Variants in FBXL7 observed in about 807,000 individuals in gnomAD.
FBXL7 encodes F-box/LRR-repeat protein 7.
FBXL7 carries 12 observed loss-of-function variants against 38.3 expected under a neutral mutation model. That is an observed-to-expected ratio of 0.31 (90% CI 0.20 to 0.51). FBXL7 has a LOEUF of 0.51. FBXL7 is among the 20% of genes least tolerant of loss of function. The pLI, the probability that FBXL7 is intolerant of heterozygous loss-of-function variation, is 0.98. For synonymous variants in FBXL7, 297 were observed against 300.9 expected (o/e 0.99, Z 0.13); for missense variants, 567 against 676.4 (o/e 0.84, Z 1.79).
chr5:15,582,907 G>A (rs1326989368), intron 1 of FBXL7, among the ~76,000 whole-genome samples: 2 of 150,066 alleles, frequency 1.3e-5, no homozygotes, highest in South Asian at 2.1e-4. Context: ...GAATATTGGT[G>A]ACTCACCTAA....
chr5:15,700,325 A>C (rs1446349968), intron 2 of FBXL7, among the ~76,000 whole-genome samples: 1 of 152,224 alleles, frequency 6.6e-6, no homozygotes, highest in Non-Finnish European at 1.5e-5. Context: ...ATACAGATAG[A>C]CTGAAGCCAA....
rs201081986 is a variant in FBXL7 at position 15,599,708 on chromosome 5, G to A, written c.38-16275G>A. The stretch of plus-strand genomic sequence containing the variant: ...ACTCAGGGCTCCCCCAGTTATTAAG[G>A]GAGTCAGTGTGAAATTGAGCTGTAG... On this transcript the variant is annotated intron_variant, in intron 1 of 3. Transcript: ENST00000504595. Among the ~76,000 whole-genome samples, 5 of 152,152 alleles carry A rather than the reference G, an allele frequency of 3.3e-5. No individual in the cohort carries two copies. The East Asian group carries it at 9.6e-4, about 29-fold the overall frequency.
At chr5:15,551,200 G>A (rs889347111) in intron 1 of FBXL7, among the ~76,000 whole-genome samples, 2 of 152,104 alleles carry the variant, frequency 1.3e-5, no homozygotes, top group Non-Finnish European at 2.9e-5. Context: ...GGCCCCTGTT[G>A]GTTTGTGCCC....
At chr5:15,600,448 C>T (rs1739757222) in intron 1 of FBXL7, among the ~76,000 whole-genome samples, 1 of 152,182 alleles carries the variant, frequency 6.6e-6, no homozygotes, top group East Asian at 1.9e-4. Flanking sequence ...CTGGAGTCCC[C>T]TTGACCAAGA....
At chr5:15,736,712 T>G (rs1735760427) in intron 2 of FBXL7, among the ~76,000 whole-genome samples, 1 of 152,314 alleles carries the variant, frequency 6.6e-6, no homozygotes, top group African/African-American at 2.4e-5. Flanking sequence ...TACCATTCCT[T>G]TTGTCTTCCT....
chr5:15,690,347 C>T (rs1157910379), intron 2 of FBXL7, among the ~76,000 whole-genome samples: 2 of 152,182 alleles, frequency 1.3e-5, no homozygotes, highest in East Asian at 1.9e-4. Flanking sequence ...CAAAATTCTC[C>T]AGTTAACACT....
At chr5:15,860,181 T>C (rs1322304059) in intron 2 of FBXL7, among the ~76,000 whole-genome samples, 3 of 152,204 alleles carry the variant, frequency 2.0e-5, no homozygotes, top group Non-Finnish European at 4.4e-5. Context: ...TACGTGGAAT[T>C]CCAGTTTTCA....
intron 1 of FBXL7, among the ~76,000 whole-genome samples, chr5:15,551,007 T>G (rs771715261): frequency 6.6e-6 from 1 of 152,228 alleles, no homozygotes; most frequent in Non-Finnish European, 1.5e-5. Context: ...GAGTTATTAT[T>G]TTTTGCCAAT....
At chr5:15,892,980 G>C (rs1740970531) in intron 2 of FBXL7, among the ~76,000 whole-genome samples, 1 of 152,094 alleles carries the variant, frequency 6.6e-6, no homozygotes, top group African/African-American at 2.4e-5. Context: ...GCTGGGCGTG[G>C]TGGTGGGCAC....
At chr5:15,506,533 A>C (rs1285787815) in intron 1 of FBXL7, among the ~76,000 whole-genome samples, 2 of 152,224 alleles carry the variant, frequency 1.3e-5, no homozygotes, top group African/African-American at 4.8e-5. Context: ...TAGACAGTTC[A>C]AGCTGCCATA....
rs185760454 is a variant in FBXL7, at chr5:15,710,587, C to T, written c.127+94515C>T. Among the ~76,000 whole-genome samples the T allele has an allele frequency of 2.6e-5, 4 of 152,276 alleles. No individual in the cohort carries two copies. The East Asian group carries it at 5.8e-4, about 22-fold the overall frequency. ...ATATTTTGATTAATGTCTCTCTCTTCCCCAGTAGGAGGTAAGCTCCATGAA... is the reference window on the plus strand; with the variant it reads ...ATATTTTGATTAATGTCTCTCTCTTTCCCAGTAGGAGGTAAGCTCCATGAA... On this transcript the variant is annotated intron_variant, in intron 2 of 3. Transcript: ENST00000504595.
chr5:15,748,963 A>G (rs1736083532), intron 2 of FBXL7, among the ~76,000 whole-genome samples: 1 of 152,162 alleles, frequency 6.6e-6, no homozygotes, highest in South Asian at 2.1e-4. Flanking sequence ...TTCAACAGTT[A>G]GCCTCGCACG....
At chr5:15,553,456 GATTAATTTATTC>G (rs1738144371) in intron 1 of FBXL7, among the ~76,000 whole-genome samples, 1 of 152,080 alleles carries the variant, frequency 6.6e-6, no homozygotes, top group Admixed American at 6.6e-5. Context: ...TTATTCTTAG[GATTAATTTATTC>G]ATTAAGGCTT....
chr5:15,796,940 T>C (rs1045177881), intron 2 of FBXL7, among the ~76,000 whole-genome samples: 1 of 152,350 alleles, frequency 6.6e-6, no homozygotes, highest in East Asian at 1.9e-4. Flanking sequence ...GGTGCTTTAC[T>C]GTAACTGAGT....
At chr5:15,566,206 TG>T (rs1738567500) in intron 1 of FBXL7, among the ~76,000 whole-genome samples, 2 of 151,906 alleles carry the variant, frequency 1.3e-5, no homozygotes, top group African/African-American at 4.8e-5. Context: ...GAGAAGAGGG[TG>T]GGGTTCAAGC....
intron 2 of FBXL7, among the ~76,000 whole-genome samples, chr5:15,681,788 T>A (rs1742852737): frequency 6.6e-6 from 1 of 152,242 alleles, no homozygotes; most frequent in Non-Finnish European, 1.5e-5. Context: ...GTTTATCTCA[T>A]TTGTACATTT....
intron 1 of FBXL7, among the ~76,000 whole-genome samples, chr5:15,532,655 G>T (rs1329710521): frequency 6.6e-6 from 1 of 152,224 alleles, no homozygotes; most frequent in Non-Finnish European, 1.5e-5. Flanking sequence ...TATGGACTCT[G>T]TTTCTAGCAT....
chr5:15,584,033 G>T (rs1739229195), intron 1 of FBXL7, among the ~76,000 whole-genome samples: 1 of 152,208 alleles, frequency 6.6e-6, no homozygotes, highest in Non-Finnish European at 1.5e-5. Flanking sequence ...AAGGCCTGGG[G>T]CTTGCACTCT....
rs1465441850 is a variant in FBXL7, at chr5:15,887,491, A to C, written c.128-40399A>C. ...ACATAGGAATTGCCAAATGGGATTTAAGTCTGAGAAAGCACCATAACATCA... is the reference window on the plus strand; with the variant it reads ...ACATAGGAATTGCCAAATGGGATTTCAGTCTGAGAAAGCACCATAACATCA... On this transcript the variant is annotated intron_variant, in intron 2 of 3. Coordinates refer to ENST00000504595, the MANE Select transcript of FBXL7 (RefSeq NM_012304.5). 3.3e-5 allele frequency among the ~76,000 whole-genome samples: 5 copies of C among 152,248 alleles called. No individual in the cohort carries two copies. In the East Asian group the frequency reaches 9.6e-4, roughly 29 times the overall value.
Sources: gnomAD v4.1 joint callset for allele counts (sites outside exome capture counted in the v4.1 genomes callset) on GRCh38, gnomAD v4.1.1 for gene constraint, MANE v1.5 for transcripts, NCBI Gene and HGNC (gene_info 2026-07-23, HGNC 2026-07-21) for gene names.